TNN: variants seen among roughly 807,000 people sequenced by gnomAD.
TNN encodes tenascin-N.
A neutral mutation model predicts 134.4 loss-of-function variants in TNN; 122 were observed. The observed-to-expected ratio is 0.91, with a 90% confidence interval of 0.78 to 1.06. TNN has a LOEUF of 1.06. Ranked by LOEUF, TNN falls within the 50% of genes least tolerant of loss-of-function variation. The probability of loss-of-function intolerance (pLI) is 0.00; values close to 1 mark genes in which losing one functional copy is unlikely to be tolerated. For synonymous variants in TNN, 710 were observed against 670.3 expected (o/e 1.06, Z -0.91); for missense variants, 1,739 against 1,699.4 (o/e 1.02, Z -0.41).
chr1:175,113,979 T>C (rs1411309913), intron 9 of TNN, among the ~76,000 whole-genome samples: 1 of 152,230 alleles, frequency 6.6e-6, no homozygotes. Context: ...TCAAATAGTC[T>C]ATCTGTATTT....
chr1:175,076,879 G>A (rs1467780948), intron 1 of TNN, among the ~76,000 whole-genome samples: 1 of 152,202 alleles, frequency 6.6e-6, no homozygotes, highest in Non-Finnish European at 1.5e-5. Context: ...TCTATAAGAT[G>A]GGGGTCATCA....
chr1:175,119,716 G>A (rs1675298823), intron 11 of TNN, among the ~76,000 whole-genome samples: 1 of 145,890 alleles, frequency 6.9e-6, no homozygotes, highest in Non-Finnish European at 1.5e-5. Flanking sequence ...CTCACTGCAA[G>A]CTCCGCCTCC....
At position 175,117,132 on chromosome 1, in the gene TNN, G is replaced by A. The variant is rs574491379; in HGVS notation, c.2313G>A (p.Val771=). ...TCCTGACGGGCCTGAGGCCGGGTGT[G>A]GAGTACACGGTGCACGTGTGGGCCC... ...STVLTGLRPG[V]EYTVHVWAQK... is the part of the protein sequence containing the mutation. Residue 771 remains valine (V), a synonymous_variant, in exon 10 of 19, where the codon GTG becomes GTA. Coordinates refer to ENST00000239462, the MANE Select transcript of TNN (RefSeq NM_022093.2). 3 of 1,614,268 alleles carry A rather than the reference G, an allele frequency of 1.9e-6. No homozygotes were observed. The African/African-American group carries it at 4.0e-5, about 22-fold the overall frequency.
intron 15 of TNN, among the ~76,000 whole-genome samples, chr1:175,134,027 A>C (rs1675737205): frequency 6.6e-6 from 1 of 152,104 alleles, no homozygotes; most frequent in Non-Finnish European, 1.5e-5. Context: ...AATGCAAGGG[A>C]AGCTGTAAAT....
chr1:175,079,753 A>G, intron 3 of TNN, 46 bp downstream of exon 3: 1 of 1,529,306 alleles, frequency 6.5e-7, no homozygotes, highest in South Asian at 1.3e-5. Context: ...CTTCTTTCCA[A>G]TGCACCATTT....
chr1:175,067,978 G>T, intron 1 of TNN, 43 bp downstream of exon 1: 1 of 459,372 alleles, frequency 2.2e-6, no homozygotes, highest in Non-Finnish European at 4.4e-6. Context: ...TGGAGGGAGG[G>T]AGGTGGCCAA....
In TNN at chr1:175,112,304, T is replaced by C. The variant is rs910744522; in HGVS notation, c.2120-4635T>C. Among the ~76,000 whole-genome samples, 12 of 152,322 alleles carry C rather than the reference T, an allele frequency of 7.9e-5. No individual in the cohort carries two copies. In the East Asian group the frequency reaches 2.3e-3, roughly 29 times the overall value. ...TGTGTCACATTTATTGATTTGTGTATGTTAACTATTCTTGCATCCCTGTGA... is the reference window on the plus strand; with the variant it reads ...TGTGTCACATTTATTGATTTGTGTACGTTAACTATTCTTGCATCCCTGTGA... On this transcript the variant is annotated intron_variant, in intron 9 of 18. Coordinates refer to ENST00000239462, the MANE Select transcript of TNN (RefSeq NM_022093.2).
intron 9 of TNN, among the ~76,000 whole-genome samples, chr1:175,104,187 A>G (rs1674796623): frequency 1.4e-5 from 2 of 146,030 alleles, no homozygotes; most frequent in African/African-American, 4.9e-5. Flanking sequence ...ATGGTAACAG[A>G]CCTTGAGGAC....
chr1:175,091,514 G>T (rs1210469492), intron 6 of TNN, among the ~76,000 whole-genome samples: 1 of 151,426 alleles, frequency 6.6e-6, no homozygotes, highest in Non-Finnish European at 1.5e-5. Context: ...CCACCCATGT[G>T]GACATGATGG....
intron 11 of TNN, 23 bp downstream of exon 11, chr1:175,118,847 CAAACCCGGGT>C: frequency 6.2e-7 from 1 of 1,613,110 alleles, no homozygotes; most frequent in Non-Finnish European, 8.5e-7. Flanking sequence ...AAGAGAAGAG[CAAACCCGGGT>C]AGTAGCTGCA....
At chr1:175,146,847 T>G in intron 18 of TNN, 84 bp from the exon 19 acceptor site, 2 of 1,242,412 alleles carry the variant, frequency 1.6e-6, no homozygotes, top group Non-Finnish European at 2.2e-6. Flanking sequence ...ATTAATTAAT[T>G]AATTAATTCC....
intron 9 of TNN, among the ~76,000 whole-genome samples, chr1:175,108,372 G>T (rs898905258): frequency 5.0e-4 from 76 of 152,350 alleles, no homozygotes; most frequent in African/African-American, 1.7e-3. Flanking sequence ...GTCCCCACCA[G>T]ACCAGGAGCC....
chr1:175,129,085 T>G (rs181319068), intron 15 of TNN, among the ~76,000 whole-genome samples: 1 of 152,280 alleles, frequency 6.6e-6, no homozygotes, highest in African/African-American at 2.4e-5. Context: ...TAAGGAGGAA[T>G]GCATGCACCC....
At chr1:175,136,037 G>A in intron 16 of TNN, 96 bp downstream of exon 16, 1 of 861,482 alleles carries the variant, frequency 1.2e-6, no homozygotes, top group Non-Finnish European at 2.0e-6. Context: ...CACCTTCACA[G>A]AGAGGCCCCA....
intron 4 of TNN, among the ~76,000 whole-genome samples, chr1:175,082,515 C>A (rs993326766): frequency 1.3e-5 from 2 of 152,154 alleles, no homozygotes; most frequent in African/African-American, 2.4e-5. Flanking sequence ...CTTGACCTGG[C>A]CTTCAGGGAA....
At position 175,102,275 on chromosome 1, in the gene TNN, T is replaced by C. The variant is rs922977654; in HGVS notation, c.2119+3680T>C. ...CGCACTGGGGCTGCAGGTGGAGCTG[T>C]CTGCCAGTCCCGCGCCATGAACTTG... is the stretch of plus-strand genomic sequence containing the variant. On this transcript the variant is annotated intron_variant, in intron 9 of 18. Transcript: ENST00000239462. Among the ~76,000 whole-genome samples the C allele has an allele frequency of 3.0e-4, 44 of 146,220 alleles. 6 individuals carry two copies. Among genetic ancestry groups the C allele is most frequent in the Non-Finnish European group, 5.0e-4 (33 of 65,812 alleles).
chr1:175,081,181 G>A (rs1045527191), intron 4 of TNN, among the ~76,000 whole-genome samples: 7 of 152,206 alleles, frequency 4.6e-5, no homozygotes, highest in African/African-American at 1.7e-4. Context: ...AGAACAAGAT[G>A]GAGGATGGTG....
chr1:175,123,270 GA>G, intron 11 of TNN, 129 bp from the exon 12 acceptor site: 1 of 1,108,330 alleles, frequency 9.0e-7, no homozygotes, highest in Non-Finnish European at 1.3e-6. Context: ...AGGGGCCTTT[GA>G]CTCGTGTTTT....
At chr1:175,121,406 C>T (rs916922427) in intron 11 of TNN, among the ~76,000 whole-genome samples, 2 of 152,130 alleles carry the variant, frequency 1.3e-5, no homozygotes, top group African/African-American at 4.8e-5. Flanking sequence ...GAGCAAGTGG[C>T]CTGAGATGAG....
Sources: allele counts gnomAD v4.1 joint callset (sites outside exome capture counted in the v4.1 genomes callset), GRCh38; gene constraint gnomAD v4.1.1; transcripts MANE v1.5; gene names NCBI Gene and HGNC (gene_info 2026-07-23, HGNC 2026-07-21).